The following GRM7 variants were observed in gnomAD, a reference collection of about 807,000 sequenced individuals.
GRM7 encodes metabotropic glutamate receptor 7.
Under a neutral mutation model 84.5 loss-of-function variants are expected in GRM7, and 35 were observed. That is an observed-to-expected ratio of 0.41 (90% CI 0.32 to 0.55). GRM7 has a LOEUF of 0.55. Among genes scored for constraint, GRM7 ranks in the 20% least tolerant of loss-of-function variants. The probability of loss-of-function intolerance (pLI) is 0.19; values close to 1 mark genes in which losing one functional copy is unlikely to be tolerated. For missense variants in GRM7, 1,003 were observed against 1,194.6 expected, an observed-to-expected ratio of 0.84 and a Z score of 2.36; for synonymous variants, 487 against 455.1, an observed-to-expected ratio of 1.07 and a Z score of -0.89.
chr3:7,701,084 G>A (rs745471575), intron 9 of GRM7, among the ~76,000 whole-genome samples: 1 of 152,170 alleles, frequency 6.6e-6, no homozygotes, highest in Non-Finnish European at 1.5e-5. Flanking sequence ...TTTGGAGACT[G>A]CCGATATATG....
At chr3:7,612,697 G>T (rs1315560917) in intron 8 of GRM7, among the ~76,000 whole-genome samples, 5 of 152,132 alleles carry the variant, frequency 3.3e-5, no homozygotes, top group African/African-American at 1.2e-4. Context: ...ATTTTGGAAG[G>T]ATAACTAGTA....
chr3:6,903,324 T>C (rs768713917), intron 1 of GRM7, among the ~76,000 whole-genome samples: 2 of 152,052 alleles, frequency 1.3e-5, no homozygotes, highest in Non-Finnish European at 2.9e-5. Context: ...ATCTCTAATA[T>C]TTATTTGTAT....
intron 8 of GRM7, among the ~76,000 whole-genome samples, chr3:7,585,232 A>G (rs3804894): frequency 0.16 from 23,967 of 152,158 alleles, 2,248 homozygotes; most frequent in Middle Eastern, 0.29. Context: ...TCAGAAGCCT[A>G]TGAAACTATT....
chr3:7,689,155 T>C (rs546390628), intron 9 of GRM7, among the ~76,000 whole-genome samples: 3 of 152,344 alleles, frequency 2.0e-5, no homozygotes, highest in African/African-American at 7.2e-5. Context: ...GGATGGTATT[T>C]GGATGAAAAA....
intron 8 of GRM7, among the ~76,000 whole-genome samples, chr3:7,603,359 T>C (rs1435361372): frequency 2.0e-5 from 3 of 152,092 alleles, no homozygotes; most frequent in African/African-American, 7.2e-5. Flanking sequence ...CAGTATGTAA[T>C]TTATTGAAAG....
At chr3:7,158,012 G>C (rs987431447) in intron 2 of GRM7, among the ~76,000 whole-genome samples, 2 of 152,160 alleles carry the variant, frequency 1.3e-5, no homozygotes, top group African/African-American at 2.4e-5. Flanking sequence ...TTCAAAAACT[G>C]TGTGGGAGAG....
In GRM7 at chr3:7,305,522, A is replaced by G. The variant is rs1700163964; in HGVS notation, c.879-976A>G. Among the ~76,000 whole-genome samples, 2 of 37,516 alleles carry G rather than the reference A, an allele frequency of 5.3e-5. 1 individual carries two copies. The highest frequency in any genetic ancestry group is 1.4e-4 in the African/African-American group (2 of 14,146). 24.6% of individuals were successfully genotyped at this position (37,516 alleles called of 152,430 possible). A position where few individuals can be genotyped will look rare whatever the true frequency, so the allele number is the denominator to read the frequency against. On this transcript the variant is annotated intron_variant, in intron 3 of 9. Transcript: ENST00000357716. ...CTCCCCCGACCCCACCACAGTCCCC[A>G]GAGTGTGATATTCCCCTTCCTGTGT...
At chr3:6,889,767 C>T (rs1253348654) in intron 1 of GRM7, among the ~76,000 whole-genome samples, 1 of 151,882 alleles carries the variant, frequency 6.6e-6, no homozygotes, top group African/African-American at 2.4e-5. Context: ...AGGGAGGATT[C>T]CCTCTTTTTC....
chr3:7,359,301 A>G (rs1354048826), intron 4 of GRM7, among the ~76,000 whole-genome samples: 2 of 139,894 alleles, frequency 1.4e-5, no homozygotes, highest in Non-Finnish European at 3.0e-5. Context: ...CACCTCACAA[A>G]AAGTAACTGA....
intron 2 of GRM7, among the ~76,000 whole-genome samples, chr3:7,205,763 G>T (rs1056380337): frequency 6.6e-6 from 1 of 152,166 alleles, no homozygotes; most frequent in African/African-American, 2.4e-5. Context: ...TTTACGTGTG[G>T]CTGATAAACT....
intron 2 of GRM7, among the ~76,000 whole-genome samples, chr3:7,229,815 T>C (rs1697129727): frequency 7.5e-6 from 1 of 133,298 alleles, no homozygotes; most frequent in Non-Finnish European, 1.6e-5. Flanking sequence ...TTTCTGACTT[T>C]ATGGGTCAGC....
At chr3:7,657,025 A>G (rs755303541) in intron 8 of GRM7, among the ~76,000 whole-genome samples, 5 of 152,220 alleles carry the variant, frequency 3.3e-5, no homozygotes, top group Non-Finnish European at 5.9e-5. Flanking sequence ...GTGTTTTTCT[A>G]CACACTCATA....
intron 8 of GRM7, among the ~76,000 whole-genome samples, chr3:7,581,661 A>C (rs1054766584): frequency 6.6e-6 from 1 of 152,190 alleles, no homozygotes; most frequent in Non-Finnish European, 1.5e-5. Context: ...ATTTTTGTTT[A>C]GCTCTAACAA....
At chr3:7,044,685 C>T (rs1696738469) in intron 1 of GRM7, among the ~76,000 whole-genome samples, 1 of 151,956 alleles carries the variant, frequency 6.6e-6, no homozygotes, top group African/African-American at 2.4e-5. Context: ...GGCTTTTTTT[C>T]TCCTATGGAA....
intron 4 of GRM7, among the ~76,000 whole-genome samples, chr3:7,376,164 A>G (rs752940022): frequency 4.6e-5 from 7 of 152,130 alleles, no homozygotes; most frequent in Admixed American, 1.3e-4. Context: ...ATGCTGACCA[A>G]CTTTATGACA....
At chr3:7,153,983 T>C (rs1301745385) in intron 2 of GRM7, among the ~76,000 whole-genome samples, 1 of 152,170 alleles carries the variant, frequency 6.6e-6, no homozygotes, top group African/African-American at 2.4e-5. Context: ...CTAAAGTGGT[T>C]TGTGGATGAC....
chr3:7,138,851 C>T (rs73122342), intron 1 of GRM7, among the ~76,000 whole-genome samples: 3,106 of 151,098 alleles, frequency 0.021, 112 homozygotes, highest in African/African-American at 0.072. Flanking sequence ...AGAATAGATT[C>T]CTAAGATGTG....
At chr3:7,733,545 C>CT (rs770754699) in intron 9 of GRM7, among the ~76,000 whole-genome samples, 12 of 152,274 alleles carry the variant, frequency 7.9e-5, no homozygotes, top group Admixed American at 1.3e-4. Flanking sequence ...TCCGGGGACC[C>CT]TTCCCTATCT....
intron 2 of GRM7, among the ~76,000 whole-genome samples, chr3:7,254,512 C>G (rs1698126955): frequency 6.6e-6 from 1 of 152,206 alleles, no homozygotes; most frequent in South Asian, 2.1e-4. Context: ...CAAATATTTC[C>G]TCTTTGCTAG....
Sources: gnomAD v4.1 joint callset for allele counts (sites outside exome capture counted in the v4.1 genomes callset) on GRCh38, gnomAD v4.1.1 for gene constraint, MANE v1.5 for transcripts, NCBI Gene and HGNC (gene_info 2026-07-23, HGNC 2026-07-21) for gene names.